Variants in CTXND1 observed in about 807,000 individuals in gnomAD.
CTXND1 encodes the protein cortexin domain containing 1.
chr15:80,210,092 A>C (rs1356529681), intron 1 of CTXND1, among the ~76,000 whole-genome samples: 4 of 152,190 alleles, frequency 2.6e-5, no homozygotes, highest in Non-Finnish European at 5.9e-5. Context: ...CATTTGAGGA[A>C]TTTTGCCCCT....
chr15:80,241,415 T>G (rs1893565094), intron 1 of CTXND1, among the ~76,000 whole-genome samples: 1 of 151,986 alleles, frequency 6.6e-6, no homozygotes, highest in Non-Finnish European at 1.5e-5. Flanking sequence ...CCTTTCTATG[T>G]CGAGAGCCCA....
intron 1 of CTXND1, among the ~76,000 whole-genome samples, chr15:80,238,487 T>A (rs71399404): frequency 7.4e-6 from 1 of 135,438 alleles, no homozygotes; most frequent in Admixed American, 7.4e-5. Flanking sequence ...ACCATGTTTG[T>A]TTTTTTTTTT....
chr15:80,242,813 G>A (rs1415653997), intron 1 of CTXND1, among the ~76,000 whole-genome samples: 1 of 152,164 alleles, frequency 6.6e-6, no homozygotes, highest in African/African-American at 2.4e-5. Flanking sequence ...TGCTCATGGA[G>A]TTGGTTTTTC....
intron 1 of CTXND1, among the ~76,000 whole-genome samples, chr15:80,218,856 T>C (rs1346442742): frequency 6.6e-6 from 1 of 151,988 alleles, no homozygotes; most frequent in Admixed American, 6.5e-5. Context: ...AAGTTGTGGA[T>C]CATTCCTATG....
chr15:80,206,969 T>C (rs1893153308), intron 1 of CTXND1, among the ~76,000 whole-genome samples: 1 of 152,206 alleles, frequency 6.6e-6, no homozygotes, highest in South Asian at 2.1e-4. Context: ...CAGGAAGAGG[T>C]CATGTGAATA....
At chr15:80,232,446 C>A (rs913820948) in intron 1 of CTXND1, among the ~76,000 whole-genome samples, 1 of 152,186 alleles carries the variant, frequency 6.6e-6, no homozygotes, top group Non-Finnish European at 1.5e-5. Context: ...GTTTACTTAA[C>A]ACTAACAAAC....
rs1393036552 is a variant in CTXND1 at position 80,198,932 on chromosome 15, TAGG to T, written c.*2835_*2837del. ...TGAAAGTATACTTGTGATGTAATGT[TAGG>T]AGAAAGAGTATGATATAAAATTATG... On this transcript the variant is annotated 3_prime_UTR_variant, in exon 3 of 3. Transcript: ENST00000560778. The T allele has an allele frequency of 3.3e-5, 5 of 152,184 alleles. No homozygotes were observed. The highest frequency in any genetic ancestry group is 7.3e-5 in the Non-Finnish European group (5 of 68,042). The allele number at this position is 152,184 out of a possible 1,614,324, so 9.4% of individuals were successfully genotyped here. A position where few individuals can be genotyped will look rare whatever the true frequency, so the allele number is the denominator to read the frequency against.
chr15:80,204,449 C>T (rs1893125702), intron 1 of CTXND1, among the ~76,000 whole-genome samples: 1 of 150,814 alleles, frequency 6.6e-6, no homozygotes, highest in South Asian at 2.1e-4. Flanking sequence ...CATTCCCCTT[C>T]CCCCAGCCCG....
rs147640343 is a variant in CTXND1 at position 80,241,664 on chromosome 15, T to C, written c.-218+10343A>G. 2.5e-3 allele frequency among the ~76,000 whole-genome samples: 375 copies of C among 152,140 alleles called. 3 individuals are homozygous for C. Among genetic ancestry groups the C allele is most frequent in the African/African-American group, 8.9e-3 (368 of 41,478 alleles). On this transcript the variant is annotated intron_variant, in intron 1 of 2. Coordinates refer to ENST00000560778, the MANE Select transcript of CTXND1 (RefSeq NM_001352888.2). ...GCAAGCTCAGCTCTGCGTTCCACCCTCCCCCACAGAGCTGAGATGATGGAA... is the reference window on the plus strand; with the variant it reads ...GCAAGCTCAGCTCTGCGTTCCACCCCCCCCCACAGAGCTGAGATGATGGAA...
At chr15:80,228,033 C>A (rs561303603) in intron 1 of CTXND1, among the ~76,000 whole-genome samples, 2 of 152,238 alleles carry the variant, frequency 1.3e-5, no homozygotes, top group African/African-American at 2.4e-5. Flanking sequence ...TATTCTAAAT[C>A]CTTGGATGTC....
chr15:80,210,186 C>T (rs376115841), intron 1 of CTXND1, among the ~76,000 whole-genome samples: 6 of 152,122 alleles, frequency 3.9e-5, no homozygotes, highest in East Asian at 1.9e-4. Flanking sequence ...TCCACCTGTT[C>T]GCCACCTCCT....
chr15:80,231,105 AT>A (rs749247496), intron 1 of CTXND1, among the ~76,000 whole-genome samples: 238 of 145,718 alleles, frequency 1.6e-3, no homozygotes, highest in East Asian at 2.4e-3. Context: ...GCATTTAGAG[AT>A]TTTTTTTTTT....
intron 1 of CTXND1, among the ~76,000 whole-genome samples, chr15:80,216,852 T>A (rs1893259998): frequency 6.6e-6 from 1 of 152,160 alleles, no homozygotes; most frequent in African/African-American, 2.4e-5. Context: ...TGACCTCAAA[T>A]GATCCACCTG....
chr15:80,223,292 G>A (rs897913513), intron 1 of CTXND1, among the ~76,000 whole-genome samples: 3 of 152,268 alleles, frequency 2.0e-5, no homozygotes, highest in East Asian at 1.9e-4. Flanking sequence ...CCCGACCTCA[G>A]GTGATCTGCC....
rs149197591 is a variant in CTXND1 at position 80,226,616 on chromosome 15, C to G, written c.-217-22876G>C. Among the ~76,000 whole-genome samples the G allele has an allele frequency of 9.8e-5, 15 of 152,292 alleles. 1 individual carries two copies. The East Asian group carries it at 2.1e-3, about 22-fold the overall frequency. On this transcript the variant is annotated intron_variant, in intron 1 of 2. Transcript: ENST00000560778. ...AATTCTCCACTTTCCCCAACTCCCC[C>G]ACAGCTGAGTGATCCAGGGTCCCCT...
At chr15:80,235,232 G>C (rs1017519075) in intron 1 of CTXND1, among the ~76,000 whole-genome samples, 2 of 152,212 alleles carry the variant, frequency 1.3e-5, no homozygotes, top group Admixed American at 1.3e-4. Flanking sequence ...GTCCTATGCA[G>C]TCAACCCTTA....
At chr15:80,209,448 T>C (rs1345248216) in intron 1 of CTXND1, among the ~76,000 whole-genome samples, 2 of 152,178 alleles carry the variant, frequency 1.3e-5, no homozygotes, top group Non-Finnish European at 2.9e-5. Context: ...AGCCAAGTGC[T>C]CCATCTGCCA....
chr15:80,222,380 C>T (rs1021532916), intron 1 of CTXND1, among the ~76,000 whole-genome samples: 1 of 152,056 alleles, frequency 6.6e-6, no homozygotes, highest in African/African-American at 2.4e-5. Context: ...TATCATTTTG[C>T]CAGTAAAATA....
At chr15:80,213,430 G>T (rs916227634) in intron 1 of CTXND1, among the ~76,000 whole-genome samples, 1 of 151,950 alleles carries the variant, frequency 6.6e-6, no homozygotes, top group African/African-American at 2.4e-5. Context: ...TTAAGTTAAG[G>T]GTGTTGGGAT....
Sources: gnomAD v4.1 joint callset for allele counts (sites outside exome capture counted in the v4.1 genomes callset) on GRCh38, gnomAD v4.1.1 for gene constraint, MANE v1.5 for transcripts, NCBI Gene and HGNC (gene_info 2026-07-23, HGNC 2026-07-21) for gene names.